Variants in CEP128 observed in about 807,000 individuals in gnomAD.
CEP128 encodes the protein centrosomal protein 128.
Under a neutral mutation model 156.7 loss-of-function variants are expected in CEP128, and 132 were observed. The ratio of observed to expected loss-of-function variants is 0.84; its 90% confidence interval spans 0.73 to 0.97. CEP128 has a LOEUF of 0.97. Among genes scored for constraint, CEP128 ranks in the 50% least tolerant of loss-of-function variants. The pLI is 0.00. For synonymous variants in CEP128, 469 were observed against 448.9 expected (o/e 1.04, Z -0.57); for missense variants, 1,252 against 1,281.9 (o/e 0.98, Z 0.36).
chr14:80,834,349 G>A (rs375896753), intron 12 of CEP128, among the ~76,000 whole-genome samples: 4 of 152,088 alleles, frequency 2.6e-5, no homozygotes, highest in Middle Eastern at 3.2e-3. Flanking sequence ...GTAATGCAAC[G>A]ACATCCTTGG....
In CEP128 at chr14:80,822,787, C is replaced by T. The variant is rs61741538; in HGVS notation, c.1209+8356G>A. On this transcript the variant is annotated intron_variant, in intron 13 of 24. Coordinates refer to ENST00000555265, the MANE Select transcript of CEP128 (RefSeq NM_152446.5). ...CACATAAAACTGAAGGTGCTGGAGACGCCAAGTGAAGTGTGTGCATTTTTG... is the reference window on the plus strand; with the variant it reads ...CACATAAAACTGAAGGTGCTGGAGATGCCAAGTGAAGTGTGTGCATTTTTG... 614 of 754,702 alleles carry T rather than the reference C, an allele frequency of 8.1e-4. 4 individuals are homozygous for T. The highest frequency in any genetic ancestry group is 1.1e-3 in the Non-Finnish European group (435 of 407,636). 46.8% of individuals were successfully genotyped at this position (754,702 alleles called of 1,614,324 possible).
chr14:80,761,572 CA>C lies in CEP128; in HGVS notation c.2417del (p.Met806ArgfsTer25). 1 of 1,611,738 alleles carries C rather than the reference CA, an allele frequency of 6.2e-7. No homozygotes were observed. Among genetic ancestry groups the C allele is most frequent in the Non-Finnish European group, 8.5e-7 (1 of 1,178,392 alleles). On this transcript the variant is annotated frameshift_variant, in exon 17 of 25. Coordinates refer to ENST00000555265, the MANE Select transcript of CEP128 (RefSeq NM_152446.5). LOFTEE classifies it high-confidence loss of function. ...CCTTGAGCTGCAATCTGGCCTCTTCCATCCTCCTTAAGTGCTCCTCTTCAAT... is the reference window on the plus strand; with the variant it reads ...CCTTGAGCTGCAATCTGGCCTCTTCCTCCTCCTTAAGTGCTCCTCTTCAAT... The part of the protein sequence containing the change: ...ISIEEEHLRR[M>X]EEARLQLKDQ...
chr14:80,951,953 C>T (rs74064762), intron 2 of CEP128, among the ~76,000 whole-genome samples: 10,305 of 151,882 alleles, frequency 0.068, 1,136 homozygotes, highest in African/African-American at 0.24. Flanking sequence ...GTCCCAAACA[C>T]GTATTTACCT....
chr14:80,880,657 C>T (rs190178244), intron 8 of CEP128, among the ~76,000 whole-genome samples: 35 of 150,626 alleles, frequency 2.3e-4, no homozygotes, highest in African/African-American at 7.1e-4. Context: ...GAGATCAAGA[C>T]CATCCTGGCT....
chr14:80,888,085 G>C (rs1386388526), intron 8 of CEP128, among the ~76,000 whole-genome samples: 2 of 152,128 alleles, frequency 1.3e-5, no homozygotes, highest in Non-Finnish European at 2.9e-5. Context: ...CCAGGAAGAA[G>C]TTGAATCCCT....
intron 20 of CEP128, among the ~76,000 whole-genome samples, chr14:80,566,847 T>C (rs1367593565): frequency 5.3e-5 from 6 of 112,508 alleles, no homozygotes; most frequent in South Asian, 2.9e-4. Context: ...ACAACACACA[T>C]ATTGAAGAAA....
intron 21 of CEP128, among the ~76,000 whole-genome samples, chr14:80,554,702 T>A (rs182153641): frequency 6.6e-6 from 1 of 152,246 alleles, no homozygotes; most frequent in Admixed American, 6.5e-5. Context: ...ATATCCTTTT[T>A]TTCAATCATA....
At chr14:80,499,982 T>C (rs940052501) in intron 24 of CEP128, among the ~76,000 whole-genome samples, 1 of 152,212 alleles carries the variant, frequency 6.6e-6, no homozygotes, top group African/African-American at 2.4e-5. Context: ...AATTTGGTAG[T>C]GATCATGCCT....
intron 2 of CEP128, chr14:80,956,080 C>T (rs1886661120): frequency 9.8e-6 from 6 of 614,466 alleles, no homozygotes; most frequent in East Asian, 2.9e-5. Flanking sequence ...GAAAATGTTA[C>T]AAAACTTTGG....
At chr14:80,798,092 C>G (rs1883598836) in intron 13 of CEP128, among the ~76,000 whole-genome samples, 2 of 152,142 alleles carry the variant, frequency 1.3e-5, no homozygotes, top group Non-Finnish European at 2.9e-5. Context: ...AACTCAAAAA[C>G]AGAATTATCC....
At chr14:80,521,678 T>G (rs1375968333) in intron 23 of CEP128, among the ~76,000 whole-genome samples, 28 of 152,168 alleles carry the variant, frequency 1.8e-4, no homozygotes, top group Admixed American at 1.8e-3. Flanking sequence ...ACTGGAAAAA[T>G]AGCAATTAAA....
intron 13 of CEP128, among the ~76,000 whole-genome samples, chr14:80,795,503 CA>C (rs1458514574): frequency 6.6e-6 from 1 of 152,146 alleles, no homozygotes; most frequent in African/African-American, 2.4e-5. Context: ...ACATAAACAA[CA>C]AAACCACCAA....
chr14:80,789,831 A>C (rs2139830163), intron 14 of CEP128, among the ~76,000 whole-genome samples: 1 of 151,970 alleles, frequency 6.6e-6, no homozygotes, highest in African/African-American at 2.4e-5. Context: ...TTTTTTAACT[A>C]ACTAAAAGGT....
chr14:80,880,303 C>T (rs1367219951), intron 8 of CEP128, among the ~76,000 whole-genome samples: 1 of 151,596 alleles, frequency 6.6e-6, no homozygotes, highest in Non-Finnish European at 1.5e-5. Flanking sequence ...AAACTGTCAA[C>T]AGTTTAGGCA....
chr14:80,851,721 C>A (rs898076958), intron 9 of CEP128, among the ~76,000 whole-genome samples: 2 of 151,674 alleles, frequency 1.3e-5, no homozygotes, highest in Admixed American at 1.3e-4. Context: ...ATGACTAATG[C>A]AACCATTAAT....
At chr14:80,523,257 T>C (rs1443408693) in intron 23 of CEP128, among the ~76,000 whole-genome samples, 2 of 152,202 alleles carry the variant, frequency 1.3e-5, no homozygotes, top group Admixed American at 6.5e-5. Context: ...ACAACTGAAA[T>C]TCTAATAGTG....
rs554933344 is a variant in CEP128 at position 80,590,492 on chromosome 14, A to G, written c.2807-10069T>C. Among the ~76,000 whole-genome samples the G allele has an allele frequency of 4.6e-5, 7 of 152,212 alleles. No homozygotes were observed. In the East Asian group the frequency reaches 1.4e-3, roughly 29 times the overall value. ...AACAAAACTGACAACCCAGAATCCT[A>G]TATCTAGTGAAAATACTGTTTAGGA... On this transcript the variant is annotated intron_variant, in intron 19 of 24. Transcript: ENST00000555265.
chr14:80,652,838 G>T (rs1894965571), intron 19 of CEP128, among the ~76,000 whole-genome samples: 1 of 152,050 alleles, frequency 6.6e-6, no homozygotes, highest in African/African-American at 2.4e-5. Flanking sequence ...CCCATTACTG[G>T]GTATAAACCC....
At chr14:80,503,021 G>GTTCTT (rs1471409592) in intron 24 of CEP128, among the ~76,000 whole-genome samples, 3 of 152,004 alleles carry the variant, frequency 2.0e-5, no homozygotes, top group African/African-American at 7.3e-5. Flanking sequence ...TAATGATAAG[G>GTTCTT]TAGCTAGGAT....
Sources: gnomAD v4.1 joint callset for allele counts (sites outside exome capture counted in the v4.1 genomes callset) on GRCh38, gnomAD v4.1.1 for gene constraint, MANE v1.5 for transcripts, NCBI Gene and HGNC (gene_info 2026-07-23, HGNC 2026-07-21) for gene names.